Variants in NLGN1 observed in about 807,000 individuals in gnomAD.
NLGN1 encodes neuroligin 1.
A neutral mutation model predicts 65.5 loss-of-function variants in NLGN1; 12 were observed. The observed-to-expected ratio is 0.18, with a 90% confidence interval of 0.12 to 0.30. The LOEUF is 0.30. Ranked by LOEUF, NLGN1 falls within the 10% of genes least tolerant of loss-of-function variation. NLGN1 has a pLI of 1.00. For synonymous variants in NLGN1, 350 were observed against 359.5 expected (o/e 0.97, Z 0.30); for missense variants, 750 against 1,007.1 (o/e 0.74, Z 3.46).
At chr3:174,036,784 G>A (rs1400521445) in intron 4 of NLGN1, among the ~76,000 whole-genome samples, 1 of 151,938 alleles carries the variant, frequency 6.6e-6, no homozygotes, top group African/African-American at 2.4e-5. Context: ...ACCCCAGTGT[G>A]TGGGGTTCCC....
At position 174,280,733 on chromosome 3, in the gene NLGN1, C is replaced by T; in HGVS notation, c.1902C>T (p.Ile634=). Reference sequence around the variant, plus strand: ...CAACTAAAGTGCCATCAACTGACATCACTTTCAGACCTACGAGAAAAAATT... The same window carrying T: ...CAACTAAAGTGCCATCAACTGACATTACTTTCAGACCTACGAGAAAAAATT... The change falls in exon 7 of 7, where the codon ATC becomes ATT. Residue 634 remains isoleucine (I), a synonymous_variant. Transcript: ENST00000457714. The surrounding 1 kb of genome is among the most constrained non-coding windows in gnomAD (Gnocchi z 4.9). 6.2e-7 allele frequency: 1 copy of T among 1,613,412 alleles called. No homozygotes were observed. The highest frequency in any genetic ancestry group is 1.3e-5 in the African/African-American group (1 of 74,976).
At chr3:173,871,670 G>C (rs1166624050) in intron 4 of NLGN1, among the ~76,000 whole-genome samples, 1 of 152,166 alleles carries the variant, frequency 6.6e-6, no homozygotes, top group East Asian at 1.9e-4. Context: ...GTACAACAAG[G>C]CCATGCCTGG....
At position 173,620,830 on chromosome 3, in the gene NLGN1, G is replaced by A. The variant is rs538766841; in HGVS notation, c.493+15739G>A. Among the ~76,000 whole-genome samples, 120 of 152,156 alleles carry A rather than the reference G, an allele frequency of 7.9e-4. 1 individual carries two copies. Among genetic ancestry groups the A allele is most frequent in the African/African-American group, 2.9e-3 (119 of 41,514 alleles). On this transcript the variant is annotated intron_variant, in intron 3 of 6. Coordinates refer to ENST00000457714, the Ensembl canonical transcript of NLGN1. ...AGCTCAAAATTGAGAAGAAAAACAT[G>A]CAGAGACAGGAAATCATAAACTGTC...
intron 4 of NLGN1, among the ~76,000 whole-genome samples, chr3:174,039,261 T>C (rs1201368856): frequency 2.6e-5 from 4 of 151,996 alleles, no homozygotes; most frequent in South Asian, 2.1e-4. Context: ...TATTTTTTAA[T>C]CTTTTAAATT....
chr3:174,062,756 A>T (rs1010684096), intron 4 of NLGN1, among the ~76,000 whole-genome samples: 1 of 152,044 alleles, frequency 6.6e-6, no homozygotes, highest in Non-Finnish European at 1.5e-5. Context: ...AACAATATTT[A>T]TTAATACATT....
At chr3:173,874,149 C>T (rs1731688570) in intron 4 of NLGN1, among the ~76,000 whole-genome samples, 1 of 152,122 alleles carries the variant, frequency 6.6e-6, no homozygotes, top group African/African-American at 2.4e-5. Flanking sequence ...CAGTTTGTGG[C>T]ATTTTGTTAT....
chr3:173,450,063 T>G (rs532831573), intron 2 of NLGN1, among the ~76,000 whole-genome samples: 6 of 152,292 alleles, frequency 3.9e-5, no homozygotes, highest in Admixed American at 3.9e-4. Context: ...GCCATTTACT[T>G]TTAAGGTTAG....
At chr3:173,434,240 T>C (rs1167532040) in intron 1 of NLGN1, among the ~76,000 whole-genome samples, 1 of 152,214 alleles carries the variant, frequency 6.6e-6, no homozygotes, top group Non-Finnish European at 1.5e-5. Flanking sequence ...TCATAAAATC[T>C]TTAAAAGTAG....
At chr3:174,081,205 GGAGA>G (rs1015194847) in intron 4 of NLGN1, among the ~76,000 whole-genome samples, 3 of 151,974 alleles carry the variant, frequency 2.0e-5, no homozygotes, top group African/African-American at 7.3e-5. Context: ...TGCATTGGAG[GGAGA>G]GAAAGACACA....
At chr3:174,054,831 C>CAGTGAATT (rs1735694722) in intron 4 of NLGN1, among the ~76,000 whole-genome samples, 2 of 151,980 alleles carry the variant, frequency 1.3e-5, no homozygotes, top group South Asian at 4.1e-4. Flanking sequence ...CATAGTCTGA[C>CAGTGAATT]AGTGAATTAG....
chr3:174,051,751 A>G (rs565367658), intron 4 of NLGN1, among the ~76,000 whole-genome samples: 1 of 152,204 alleles, frequency 6.6e-6, no homozygotes, highest in South Asian at 2.1e-4. Context: ...TGAGGAGTCC[A>G]AAAAGACTGT....
intron 2 of NLGN1, among the ~76,000 whole-genome samples, chr3:173,452,106 G>C (rs2148851001): frequency 6.6e-6 from 1 of 152,234 alleles, no homozygotes; most frequent in Non-Finnish European, 1.5e-5. Flanking sequence ...GATCAACCTG[G>C]TACCTCAGTT....
chr3:173,458,591 A>G (rs1441216236), intron 2 of NLGN1, among the ~76,000 whole-genome samples: 1 of 152,082 alleles, frequency 6.6e-6, no homozygotes. Context: ...CCCATCGTCA[A>G]TGGCTCCTTC....
chr3:174,166,204 C>G (rs1324548638), intron 4 of NLGN1, among the ~76,000 whole-genome samples: 1 of 151,842 alleles, frequency 6.6e-6, no homozygotes, highest in Non-Finnish European at 1.5e-5. Context: ...ATGTTACATT[C>G]TGATTTTAGT....
In NLGN1 at chr3:174,209,623, C is replaced by CTTTTTTTTTTTTTTTTTTTTT. The variant is rs796169913; in HGVS notation, c.647-65686_647-65666dup. 1.1e-4 allele frequency among the ~76,000 whole-genome samples: 9 copies of CTTTTTTTTTTTTTTTTTTTTT among 82,072 alleles called. 1 individual carries two copies. The highest frequency in any genetic ancestry group is 3.9e-4 in the African/African-American group (8 of 20,572). The allele number at this position is 82,072 out of a possible 152,430, so 53.8% of individuals were successfully genotyped here. A position where few individuals can be genotyped will look rare whatever the true frequency, so the allele number is the denominator to read the frequency against. On this transcript the variant is annotated intron_variant, in intron 4 of 6. Coordinates refer to ENST00000457714, the Ensembl canonical transcript of NLGN1. Reference sequence around the variant, plus strand: ...CCCTGGTGTCTATCAACCTTTCTTTCTTTTTTTTTTTTTTTTTTTTTTTTT... The same window carrying CTTTTTTTTTTTTTTTTTTTTT: ...CCCTGGTGTCTATCAACCTTTCTTTCTTTTTTTTTTTTTTTTTTTTTTTTTTTTTTTTTTTTTTTTTTTTTT...
intron 3 of NLGN1, among the ~76,000 whole-genome samples, chr3:173,737,742 A>G (rs530847378): frequency 6.6e-6 from 1 of 152,160 alleles, no homozygotes; most frequent in Non-Finnish European, 1.5e-5. Flanking sequence ...TTGCATGGAC[A>G]TGTTTTTATT....
At chr3:173,660,808 T>G (rs1760818331) in intron 3 of NLGN1, among the ~76,000 whole-genome samples, 1 of 151,988 alleles carries the variant, frequency 6.6e-6, no homozygotes, top group Non-Finnish European at 1.5e-5. Flanking sequence ...AAAATACTGG[T>G]TCATATTTTA....
chr3:173,810,135 A>T (rs939881484), intron 4 of NLGN1, among the ~76,000 whole-genome samples: 1 of 152,218 alleles, frequency 6.6e-6, no homozygotes, highest in Non-Finnish European at 1.5e-5. Context: ...TTCCAAAAAT[A>T]TGTGTTGGGT....
chr3:173,552,313 G>A (rs1422911199), intron 2 of NLGN1, among the ~76,000 whole-genome samples: 2 of 152,118 alleles, frequency 1.3e-5, no homozygotes, highest in Admixed American at 6.6e-5. Context: ...CAAGTTTTGA[G>A]CAATTATTGA....
Sources: allele counts gnomAD v4.1 joint callset (sites outside exome capture counted in the v4.1 genomes callset), GRCh38; gene constraint gnomAD v4.1.1; non-coding constraint Gnocchi (gnomAD v3.1); transcripts MANE v1.5; gene names NCBI Gene and HGNC (gene_info 2026-07-23, HGNC 2026-07-21).